GREB1L: variants seen among roughly 807,000 people sequenced by gnomAD.
GREB1L encodes the protein GREB1 like retinoic acid receptor coactivator.
GREB1L carries 17 observed loss-of-function variants against 200.8 expected under a neutral mutation model. The observed-to-expected ratio is 0.08, with a 90% CI of 0.06 to 0.13. The LOEUF is 0.13. Ranked by LOEUF, GREB1L falls within the 10% of genes least tolerant of loss-of-function variation. GREB1L has a pLI of 1.00. For missense variants in GREB1L, 1,657 were observed against 2,367.7 expected, an observed-to-expected ratio of 0.70 and a Z score of 6.23; for synonymous variants, 789 against 893.0, an observed-to-expected ratio of 0.88 and a Z score of 2.08.
intron 20 of GREB1L, among the ~76,000 whole-genome samples, 166 bp from the exon 21 acceptor site, chr18:21,496,288 G>A (rs1385289997): frequency 6.6e-6 from 1 of 152,156 alleles, no homozygotes; most frequent in African/African-American, 2.4e-5. Flanking sequence ...AGAAGTGAAG[G>A]TCATAACAGC....
chr18:21,318,914 T>G (rs1380997642), intron 1 of GREB1L, among the ~76,000 whole-genome samples: 1 of 152,116 alleles, frequency 6.6e-6, no homozygotes, highest in African/African-American at 2.4e-5. Flanking sequence ...CAGTAGGAAC[T>G]TTGTGGAAGC....
chr18:21,465,970 T>A (rs1246142912), intron 15 of GREB1L, among the ~76,000 whole-genome samples: 1 of 152,168 alleles, frequency 6.6e-6, no homozygotes, highest in Non-Finnish European at 1.5e-5. Flanking sequence ...TTATTTATAG[T>A]TTTACCATAA....
Position 21,485,862 on chromosome 18 carries a change from C to G in GREB1L, c.2690+109C>G, listed in dbSNP as rs187171972. 67 of 1,066,296 alleles carry G rather than the reference C, an allele frequency of 6.3e-5. No individual in the cohort carries two copies. The African/African-American group carries it at 9.9e-4, about 16-fold the overall frequency. 66.1% of individuals were successfully genotyped at this position (1,066,296 alleles called of 1,614,324 possible). On this transcript the variant is annotated intron_variant, in intron 18 of 32. Coordinates refer to ENST00000424526, the MANE Select transcript of GREB1L (RefSeq NM_001142966.3). ...TACGGGGTGTTTGATGGAGCCCTTG[C>G]AGATGACGTGCAAAGGCCAAATTAA... is the stretch of plus-strand genomic sequence containing the variant.
Position 21,352,857 on chromosome 18 carries a change from A to G in GREB1L, c.-119-13170A>G, listed in dbSNP as rs73432773. ...TGATTATATCACTGTATGAATTTAT[A>G]TCTTATTAAATTATTTTTTCCTTAT... On this transcript the variant is annotated intron_variant, in intron 1 of 32. Transcript: ENST00000424526. 7.5e-3 allele frequency among the ~76,000 whole-genome samples: 1,147 copies of G among 152,260 alleles called. 18 individuals carry two copies. The highest frequency in any genetic ancestry group is 0.027 in the African/African-American group (1,105 of 41,566).
chr18:21,279,089 T>A (rs992421428), intron 1 of GREB1L, among the ~76,000 whole-genome samples: 2 of 152,114 alleles, frequency 1.3e-5, no homozygotes, highest in Admixed American at 1.3e-4. Flanking sequence ...AAAATCATTC[T>A]AAAAATGCAG....
At chr18:21,290,640 T>C (rs987779337) in intron 1 of GREB1L, among the ~76,000 whole-genome samples, 16 of 152,026 alleles carry the variant, frequency 1.1e-4, no homozygotes, top group Admixed American at 3.9e-4. Context: ...CTGGCCAACA[T>C]GGCGAAGGCC....
At chr18:21,445,285 A>C (rs2034150579) in intron 11 of GREB1L, among the ~76,000 whole-genome samples, 1 of 152,032 alleles carries the variant, frequency 6.6e-6, no homozygotes, top group Non-Finnish European at 1.5e-5. Context: ...GACCAGCCTG[A>C]CCAACATGGA....
At chr18:21,262,428 A>G (rs2037903859) in intron 1 of GREB1L, among the ~76,000 whole-genome samples, 2 of 152,170 alleles carry the variant, frequency 1.3e-5, no homozygotes, top group African/African-American at 2.4e-5. Flanking sequence ...TTCCCATCCC[A>G]GATGGAGTAT....
At chr18:21,475,691 G>T (rs1454530996) in intron 16 of GREB1L, among the ~76,000 whole-genome samples, 2 of 151,936 alleles carry the variant, frequency 1.3e-5, no homozygotes, top group Non-Finnish European at 2.9e-5. Flanking sequence ...AGTTGGCAGG[G>T]TGCGGTGGCT....
intron 7 of GREB1L, among the ~76,000 whole-genome samples, chr18:21,436,402 G>A (rs1176457155): frequency 1.3e-5 from 2 of 152,136 alleles, no homozygotes; most frequent in Non-Finnish European, 2.9e-5. Flanking sequence ...GGGAGGCCAA[G>A]GCAGGAGGAT....
chr18:21,520,679 T>C lies in GREB1L; in HGVS notation c.5473-9T>C. On this transcript the variant is annotated splice_polypyrimidine_tract_variant and intron_variant, in intron 31 of 32. Transcript: ENST00000424526. ...AAATGCCCATGCTATTTTTGCTTGA[T>C]GATTTCAGGTGGCCATATGCTATAT... 6.4e-7 allele frequency: 1 copy of C among 1,551,622 alleles called. No homozygotes were observed. Among genetic ancestry groups the C allele is most frequent in the African/African-American group, 1.4e-5 (1 of 73,170 alleles).
intron 14 of GREB1L, among the ~76,000 whole-genome samples, chr18:21,453,488 AG>A (rs1323090292): frequency 6.6e-6 from 1 of 152,258 alleles, no homozygotes; most frequent in Non-Finnish European, 1.5e-5. Context: ...AGTGCTTTAA[AG>A]AAGCATTGGA....
chr18:21,518,268 A>G, intron 31 of GREB1L, 34 bp downstream of exon 31: 1 of 1,522,378 alleles, frequency 6.6e-7, no homozygotes, highest in Non-Finnish European at 8.9e-7. Context: ...GTGCTTACCT[A>G]CATCCATCCA....
intron 1 of GREB1L, among the ~76,000 whole-genome samples, chr18:21,265,759 CT>C (rs982675733): frequency 1.2e-4 from 18 of 150,986 alleles, no homozygotes; most frequent in South Asian, 2.1e-4. Flanking sequence ...CACAGTTTTT[CT>C]TTTTTTTTAT....
intron 1 of GREB1L, among the ~76,000 whole-genome samples, chr18:21,275,251 T>A (rs902265953): frequency 2.0e-5 from 3 of 150,952 alleles, no homozygotes; most frequent in Non-Finnish European, 3.0e-5. Context: ...AATAAATAAA[T>A]AAAAATGTTG....
intron 9 of GREB1L, among the ~76,000 whole-genome samples, chr18:21,440,625 G>C (rs962086788): frequency 6.6e-6 from 1 of 152,162 alleles, no homozygotes; most frequent in Non-Finnish European, 1.5e-5. Flanking sequence ...CGTTATATGG[G>C]ACACAATGCT....
Position 21,351,889 on chromosome 18 carries a change from C to G in GREB1L, c.-119-14138C>G, listed in dbSNP as rs186047215. ...CTGAGACAGAGTCTCAATCTGTCGC[C>G]CAGGCTGGAGTGCAGTGGCACAATC... On this transcript the variant is annotated intron_variant, in intron 1 of 32. Coordinates refer to ENST00000424526, the MANE Select transcript of GREB1L (RefSeq NM_001142966.3). Among the ~76,000 whole-genome samples the G allele has an allele frequency of 4.5e-3, 686 of 151,960 alleles. 6 individuals are homozygous for G. The highest frequency in any genetic ancestry group is 5.0e-3 in the Non-Finnish European group (337 of 67,956).
chr18:21,304,137 G>A lies in GREB1L; in HGVS notation c.-120+61744G>A, dbSNP rs1258529096. 2.6e-5 allele frequency among the ~76,000 whole-genome samples: 4 copies of A among 152,056 alleles called. No homozygotes were observed. The East Asian group carries it at 7.7e-4, about 29-fold the overall frequency. ...CATCTGGGTGTGACCTATGTGTCAG[G>A]CTTAAACTATCAGAGCAATGCGTCT... On this transcript the variant is annotated intron_variant, in intron 1 of 32. Transcript: ENST00000424526.
intron 1 of GREB1L, among the ~76,000 whole-genome samples, chr18:21,285,814 T>TA (rs2038345669): frequency 6.6e-6 from 1 of 152,236 alleles, no homozygotes; most frequent in African/African-American, 2.4e-5. Context: ...TGGGAAAAAT[T>TA]ACAGCTAACA....
Sources: allele counts gnomAD v4.1 joint callset (sites outside exome capture counted in the v4.1 genomes callset), GRCh38; gene constraint gnomAD v4.1.1; transcripts MANE v1.5; gene names NCBI Gene and HGNC (gene_info 2026-07-23, HGNC 2026-07-21).